PCDHGA10: variants seen among roughly 807,000 people sequenced by gnomAD.
PCDHGA10 encodes the protein protocadherin gamma-A10.
In PCDHGA10, 42 loss-of-function variants were observed where a neutral mutation model predicts 59.5. The ratio of observed to expected loss-of-function variants is 0.71; its 90% confidence interval spans 0.55 to 0.91. The LOEUF (loss-of-function observed/expected upper bound fraction) is 0.91, where lower values mean the gene tolerates loss of function less well. Among genes scored for constraint, PCDHGA10 ranks in the 40% least tolerant of loss-of-function variants. The pLI, the probability that PCDHGA10 is intolerant of heterozygous loss-of-function variation, is 0.00. For synonymous variants in PCDHGA10, 511 were observed against 517.2 expected (o/e 0.99, Z 0.16); for missense variants, 1,111 against 1,198.2 (o/e 0.93, Z 1.07).
chr5:141,457,233 T>G (rs1038193595), intron 1 of PCDHGA10, among the ~76,000 whole-genome samples: 9 of 152,208 alleles, frequency 5.9e-5, no homozygotes, highest in African/African-American at 2.2e-4. Flanking sequence ...AATTTCCATC[T>G]AAAATTTTAC....
At chr5:141,430,628 C>A in intron 1 of PCDHGA10, 2 of 798,952 alleles carry the variant, frequency 2.5e-6, no homozygotes, top group Non-Finnish European at 3.7e-6. Context: ...TAGGAATGAA[C>A]CATCCCTGGG....
At chr5:141,458,438 C>T (rs2098945825) in intron 1 of PCDHGA10, among the ~76,000 whole-genome samples, 1 of 152,024 alleles carries the variant, frequency 6.6e-6, no homozygotes, top group Non-Finnish European at 1.5e-5. Flanking sequence ...GAGGAGGTCC[C>T]CCACATTAAC....
At chr5:141,462,100 G>T (rs1202526885) in intron 1 of PCDHGA10, among the ~76,000 whole-genome samples, 1 of 152,164 alleles carries the variant, frequency 6.6e-6, no homozygotes, top group Non-Finnish European at 1.5e-5. Flanking sequence ...TGGGATTACA[G>T]GCATGAGCCA....
chr5:141,429,487 C>G (rs2097218311), intron 1 of PCDHGA10, among the ~76,000 whole-genome samples: 1 of 151,822 alleles, frequency 6.6e-6, no homozygotes, highest in Non-Finnish European at 1.5e-5. Flanking sequence ...GTAGCTGAGA[C>G]TACAGTTGCC....
chr5:141,491,454 C>G lies in PCDHGA10; in HGVS notation c.2437-3353C>G. ...GCTGCAGGCGCCAGGACTCACCCTCCCCGGACTTCTATAAGCAGTCCAGCC... is the reference window on the plus strand; with the variant it reads ...GCTGCAGGCGCCAGGACTCACCCTCGCCGGACTTCTATAAGCAGTCCAGCC... On this transcript the variant is annotated intron_variant, in intron 1 of 3. Coordinates refer to ENST00000398610, the MANE Select transcript of PCDHGA10 (RefSeq NM_018913.3). This position sits in a 1 kb window ranked among gnomAD's most constrained non-coding sequence, Gnocchi z 6.9. The G allele has an allele frequency of 6.2e-7, 1 of 1,614,120 alleles. No individual in the cohort carries two copies. Among genetic ancestry groups the G allele is most frequent in the Non-Finnish European group, 8.5e-7 (1 of 1,180,032 alleles).
Position 141,491,944 on chromosome 5 carries a change from C to T in PCDHGA10, c.2437-2863C>T, listed in dbSNP as rs1245968796. ...CGAGGGGAGGTGGGACCGACCCCCACCCCTACACTCAAAAAAGGCCGGGGC... is the reference window on the plus strand; with the variant it reads ...CGAGGGGAGGTGGGACCGACCCCCATCCCTACACTCAAAAAAGGCCGGGGC... On this transcript the variant is annotated intron_variant, in intron 1 of 3. Transcript: ENST00000398610. This position sits in a 1 kb window ranked among gnomAD's most constrained non-coding sequence, Gnocchi z 6.9. The T allele has an allele frequency of 1.8e-6, 2 of 1,120,156 alleles. No individual in the cohort carries two copies. Among genetic ancestry groups the T allele is most frequent in the Non-Finnish European group, 2.4e-6 (2 of 822,072 alleles). The allele number at this position is 1,120,156 out of a possible 1,614,324, so 69.4% of individuals were successfully genotyped here. A position where few individuals can be genotyped will look rare whatever the true frequency, so the allele number is the denominator to read the frequency against.
At chr5:141,460,438 T>A (rs1035541143) in intron 1 of PCDHGA10, among the ~76,000 whole-genome samples, 16 of 152,172 alleles carry the variant, frequency 1.1e-4, no homozygotes, top group African/African-American at 3.1e-4. Flanking sequence ...TGGTGTGAGG[T>A]AACAATGAAG....
At chr5:141,456,259 C>T (rs1456888951) in intron 1 of PCDHGA10, among the ~76,000 whole-genome samples, 1 of 152,122 alleles carries the variant, frequency 6.6e-6, no homozygotes, top group Non-Finnish European at 1.5e-5. Flanking sequence ...GCGACCATTG[C>T]TTCTGGCTAC....
At chr5:141,446,055 G>A (rs1431833512) in intron 1 of PCDHGA10, among the ~76,000 whole-genome samples, 1 of 152,190 alleles carries the variant, frequency 6.6e-6, no homozygotes, top group Non-Finnish European at 1.5e-5. Flanking sequence ...AGCTGGCTTG[G>A]ATTAAAGGGG....
At chr5:141,438,585 TAC>T (rs1561889967) in intron 1 of PCDHGA10, among the ~76,000 whole-genome samples, 141 of 61,160 alleles carry the variant, frequency 2.3e-3, no homozygotes, top group South Asian at 4.3e-3. Flanking sequence ...CATACATACA[TAC>T]ATACATATAT....
chr5:141,486,083 C>T lies in PCDHGA10; in HGVS notation c.2437-8724C>T, dbSNP rs367657659. On this transcript the variant is annotated intron_variant, in intron 1 of 3. Coordinates refer to ENST00000398610, the MANE Select transcript of PCDHGA10 (RefSeq NM_018913.3). This position sits in a 1 kb window ranked among gnomAD's most constrained non-coding sequence, Gnocchi z 5.0. ...GCACCCCACTACTGGAAAGCTTACTCTTTTGGGGCCCCTAGACTTTGAGAG... is the reference window on the plus strand; with the variant it reads ...GCACCCCACTACTGGAAAGCTTACTTTTTTGGGGCCCCTAGACTTTGAGAG... The T allele has an allele frequency of 1.2e-6, 2 of 1,614,062 alleles. No individual in the cohort carries two copies. Among genetic ancestry groups the T allele is most frequent in the Non-Finnish European group, 1.7e-6 (2 of 1,180,040 alleles).
At chr5:141,501,290 TACACACACACACACAC>T (rs55762287) in intron 2 of PCDHGA10, among the ~76,000 whole-genome samples, 7 of 136,164 alleles carry the variant, frequency 5.1e-5, no homozygotes, top group South Asian at 2.4e-4. Context: ...TATTCCCTTA[TACACACACACACACAC>T]ACACACACAC....
rs902301902 is a variant in PCDHGA10, at chr5:141,413,117, C to T, written c.-59C>T. 42 of 1,509,002 alleles carry T rather than the reference C, an allele frequency of 2.8e-5. No homozygotes were observed. Among genetic ancestry groups the T allele is most frequent in the Non-Finnish European group, 3.6e-5 (41 of 1,124,532 alleles). 93.5% of individuals were successfully genotyped at this position (1,509,002 alleles called of 1,614,324 possible). ...TGAAGCCACAGAAAGACAAAGGAAC[C>T]GGTTGAAACACACAACGTGTCCAGT... On this transcript the variant is annotated 5_prime_UTR_variant, in exon 1 of 4. Coordinates refer to ENST00000398610, the MANE Select transcript of PCDHGA10 (RefSeq NM_018913.3).
chr5:141,489,990 A>G lies in PCDHGA10; in HGVS notation c.2437-4817A>G. ...TCCAATCCTCAGTTCTACGTGTGGG[A>G]ATCCCAGAGAATGCACCCATTGGTA... is the stretch of plus-strand genomic sequence containing the variant. On this transcript the variant is annotated intron_variant, in intron 1 of 3. Transcript: ENST00000398610. This position sits in a 1 kb window ranked among gnomAD's most constrained non-coding sequence, Gnocchi z 4.5. 6.2e-7 allele frequency: 1 copy of G among 1,614,256 alleles called. No individual in the cohort carries two copies. Among genetic ancestry groups the G allele is most frequent in the Non-Finnish European group, 8.5e-7 (1 of 1,180,030 alleles).
chr5:141,501,182 C>A (rs531641143), intron 2 of PCDHGA10, among the ~76,000 whole-genome samples: 1 of 152,126 alleles, frequency 6.6e-6, no homozygotes, highest in Non-Finnish European at 1.5e-5. Context: ...TACATTTTAA[C>A]ACAATTAAAT....
Position 141,414,397 on chromosome 5 carries a change from T to C in PCDHGA10, c.1222T>C (p.Leu408=). 1 of 1,613,920 alleles carries C rather than the reference T, an allele frequency of 6.2e-7. No individual in the cohort carries two copies. The highest frequency in any genetic ancestry group is 1.6e-4 in the Middle Eastern group (1 of 6,062). ...LEKSIDSYYR[L]VIHRALDREQ... is the part of the protein sequence containing the mutation. Reference sequence around the variant, plus strand: ...AAAGTCCATTGACAGTTATTACAGATTGGTGATACACAGAGCCCTTGACAG... The same window carrying C: ...AAAGTCCATTGACAGTTATTACAGACTGGTGATACACAGAGCCCTTGACAG... Residue 408 remains leucine, a synonymous_variant, in exon 1 of 4, where the codon TTG becomes CTG. Coordinates refer to ENST00000398610, the MANE Select transcript of PCDHGA10 (RefSeq NM_018913.3).
At chr5:141,463,301 A>G (rs1277348576) in intron 1 of PCDHGA10, among the ~76,000 whole-genome samples, 2 of 151,638 alleles carry the variant, frequency 1.3e-5, no homozygotes, top group South Asian at 2.1e-4. Flanking sequence ...AATCTCCCCA[A>G]ACTCTAATAT....
At position 141,415,055 on chromosome 5, in the gene PCDHGA10, C is replaced by A. The variant is rs767474996; in HGVS notation, c.1880C>A (p.Thr627Lys). Reference protein sequence around the residue: ...EPGLFAVGEHTGEVRTARALL... With the variant: ...EPGLFAVGEHKGEVRTARALL... ...GGACTCTTCGCGGTGGGGGAGCACA[C>A]GGGCGAGGTGCGCACGGCGCGAGCC... is the stretch of plus-strand genomic sequence containing the variant. Residue 627 changes from threonine (T) to lysine (K), a missense_variant, in exon 1 of 4, where the codon ACG becomes AAG. Coordinates refer to ENST00000398610, the MANE Select transcript of PCDHGA10 (RefSeq NM_018913.3). The A allele has an allele frequency of 6.2e-7, 1 of 1,613,402 alleles. No homozygotes were observed. Among genetic ancestry groups the A allele is most frequent in the Non-Finnish European group, 8.5e-7 (1 of 1,179,948 alleles).
Position 141,491,797 on chromosome 5 carries a change from G to C in PCDHGA10, c.2437-3010G>C, listed in dbSNP as rs537755017. The C allele has an allele frequency of 7.9e-5, 119 of 1,506,700 alleles. No homozygotes were observed. In the Admixed American group the frequency reaches 1.4e-3, roughly 18 times the overall value. 93.3% of individuals were successfully genotyped at this position (1,506,700 alleles called of 1,614,324 possible). On this transcript the variant is annotated intron_variant, in intron 1 of 3. Coordinates refer to ENST00000398610, the MANE Select transcript of PCDHGA10 (RefSeq NM_018913.3). The surrounding 1 kb of genome is among the most constrained non-coding windows in gnomAD (Gnocchi z 6.9). The stretch of plus-strand genomic sequence containing the variant: ...ATTGAACTTGCATCCACTCCTCTCC[G>C]GCCGGCTTGGTCGCTGGCTGCGCTC...
Sources: allele counts gnomAD v4.1 joint callset (sites outside exome capture counted in the v4.1 genomes callset), GRCh38; gene constraint gnomAD v4.1.1; non-coding constraint Gnocchi (gnomAD v3.1); transcripts MANE v1.5; gene names NCBI Gene and HGNC (gene_info 2026-07-23, HGNC 2026-07-21).